Variants in VCPIP1 observed in about 807,000 individuals in gnomAD.
VCPIP1 encodes the protein deubiquitinating protein VCPIP1.
Under a neutral mutation model 85.0 loss-of-function variants are expected in VCPIP1, and 8 were observed. The ratio of observed to expected loss-of-function variants is 0.09; its 90% confidence interval spans 0.06 to 0.17. The LOEUF (loss-of-function observed/expected upper bound fraction) is 0.17, where lower values mean the gene tolerates loss of function less well. Ranked by LOEUF, VCPIP1 falls within the 10% of genes least tolerant of loss-of-function variation. The probability of loss-of-function intolerance (pLI) is 1.00; values close to 1 mark genes in which losing one functional copy is unlikely to be tolerated. For synonymous variants in VCPIP1, 543 were observed against 544.5 expected, an observed-to-expected ratio of 1.00 and a Z score of 0.04; for missense variants, 1,070 against 1,486.3, an observed-to-expected ratio of 0.72 and a Z score of 4.61.
chr8:66,641,054 A>G (rs1011814333), intron 2 of VCPIP1, among the ~76,000 whole-genome samples: 1 of 152,120 alleles, frequency 6.6e-6, no homozygotes, highest in Non-Finnish European at 1.5e-5. Flanking sequence ...ACCCCCCTAG[A>G]TGCTGCTGCA....
rs1253205793 is a variant in VCPIP1, at chr8:66,629,429, CTTTCA to C, written c.*5067_*5071del. The C allele has an allele frequency of 6.6e-6, 1 of 152,128 alleles. No homozygotes were observed. Among genetic ancestry groups the C allele is most frequent in the South Asian group, 2.1e-4 (1 of 4,828 alleles). 9.4% of individuals were successfully genotyped at this position (152,128 alleles called of 1,614,324 possible). ...TATTTAGTACTATTATCTGTATTTC[CTTTCA>C]TTTCCTTATCACTAACCAGTATTTT... On this transcript the variant is annotated 3_prime_UTR_variant, in exon 3 of 3. Coordinates refer to ENST00000310421, the MANE Select transcript of VCPIP1 (RefSeq NM_025054.5).
In VCPIP1 at chr8:66,666,246, A is replaced by G; in HGVS notation, c.713T>C (p.Leu238Ser). 6.2e-7 allele frequency: 1 copy of G among 1,614,076 alleles called. No individual in the cohort carries two copies. Among genetic ancestry groups the G allele is most frequent in the Non-Finnish European group, 8.5e-7 (1 of 1,180,002 alleles). Residue 238 changes from leucine (L) to serine (S), a missense_variant, in exon 1 of 3, where the codon TTA becomes TCA. By Grantham distance (145) the Leu-to-Ser change is moderately radical. Around this residue, in one of 8 missense-constraint regions of VCPIP1, gnomAD observed 118 missense variants for 337.1 expected, o/e 0.35. Coordinates refer to ENST00000310421, the MANE Select transcript of VCPIP1 (RefSeq NM_025054.5). The surrounding 1 kb of genome is among the most constrained non-coding windows in gnomAD (Gnocchi z 6.3). Reference sequence around the variant, plus strand: ...AAAGTGCTGTTTAAGATTCTCTCTTAAGGCATGCCAGAAGAGCTCTCGGCC... The same window carrying G: ...AAAGTGCTGTTTAAGATTCTCTCTTGAGGCATGCCAGAAGAGCTCTCGGCC... ...LVGRELFWHA[L>S]RENLKQHFQQ...
rs1810841189 is a variant in VCPIP1, at chr8:66,632,211, A to G, written c.*2290T>C. On this transcript the variant is annotated 3_prime_UTR_variant, in exon 3 of 3. Transcript: ENST00000310421. ...AAACCATATGGAAAGACAAAGGATG[A>G]TATTTAAAAACTTAAAAGAAACCCT... The G allele has an allele frequency of 6.6e-6, 1 of 152,132 alleles. No homozygotes were observed. The highest frequency in any genetic ancestry group is 1.5e-5 in the Non-Finnish European group (1 of 67,952). The allele number at this position is 152,132 out of a possible 1,614,324, so 9.4% of individuals were successfully genotyped here.
intron 2 of VCPIP1, among the ~76,000 whole-genome samples, chr8:66,639,265 A>G (rs1177303656): frequency 1.3e-5 from 2 of 150,048 alleles, no homozygotes; most frequent in South Asian, 2.1e-4. Flanking sequence ...GAATACAGGC[A>G]TGAGACACCA....
intron 1 of VCPIP1, among the ~76,000 whole-genome samples, chr8:66,661,748 A>G (rs1160020201): frequency 1.3e-5 from 2 of 150,628 alleles, no homozygotes; most frequent in East Asian, 2.0e-4. Flanking sequence ...AAATCTATAT[A>G]TAATCATACC....
intron 1 of VCPIP1, among the ~76,000 whole-genome samples, chr8:66,660,000 T>C (rs1471826729): frequency 2.0e-5 from 3 of 152,216 alleles, no homozygotes; most frequent in Admixed American, 6.5e-5. Context: ...AATGCTGTGT[T>C]GGTCCTATTT....
intron 2 of VCPIP1, among the ~76,000 whole-genome samples, chr8:66,644,624 T>C (rs1181001590): frequency 6.6e-6 from 1 of 152,136 alleles, no homozygotes; most frequent in African/African-American, 2.4e-5. Flanking sequence ...ATGTCTACTC[T>C]CACCTTTCCG....
chr8:66,634,767 C>T lies in VCPIP1; in HGVS notation c.3403G>A (p.Asp1135Asn), dbSNP rs963353695. 2 of 1,614,208 alleles carry T rather than the reference C, an allele frequency of 1.2e-6. No individual in the cohort carries two copies. Among genetic ancestry groups the T allele is most frequent in the Non-Finnish European group, 1.7e-6 (2 of 1,180,036 alleles). The change falls in exon 3 of 3, where the codon GAT (aspartate) becomes AAT (asparagine). Residue 1135 changes from aspartate (D) to asparagine (N), a missense_variant. Asp to Asn is a conservative substitution (Grantham distance 23). Transcript: ENST00000310421. ...ACTTCTGTTTTCCTTTGAGGAAGAT[C>T]AGATGGTGACTGCTCTGTACTTTGA... ...RDQSTEQSPS[D>N]LPQRKTEVVS...
Position 66,651,550 on chromosome 8 carries a change from A to G in VCPIP1, c.2711-6T>C. On this transcript the variant is annotated splice_region_variant and splice_polypyrimidine_tract_variant and intron_variant, in intron 1 of 2. Transcript: ENST00000310421. ...ATAAGACCATACATCTTCTCCTGTA[A>G]GACAAAAACAGATATAGTATTAGCA... 2 of 1,608,606 alleles carry G rather than the reference A, an allele frequency of 1.2e-6. No individual in the cohort carries two copies. Among genetic ancestry groups the G allele is most frequent in the South Asian group, 2.2e-5 (2 of 90,440 alleles).
rs1306457401 is a variant in VCPIP1 at position 66,630,545 on chromosome 8, A to G, written c.*3956T>C. The G allele has an allele frequency of 1.3e-5, 2 of 152,600 alleles. No homozygotes were observed. Among genetic ancestry groups the G allele is most frequent in the Non-Finnish European group, 2.9e-5 (2 of 68,034 alleles). 9.5% of individuals were successfully genotyped at this position (152,600 alleles called of 1,614,324 possible). On this transcript the variant is annotated 3_prime_UTR_variant, in exon 3 of 3. Coordinates refer to ENST00000310421, the MANE Select transcript of VCPIP1 (RefSeq NM_025054.5). ...TAAAAATTTAAAAACTAAGTAATTG[A>G]TACTCACAAGCAGGTAACATCAACT...
At chr8:66,657,725 C>T (rs148669217) in intron 1 of VCPIP1, among the ~76,000 whole-genome samples, 17 of 152,052 alleles carry the variant, frequency 1.1e-4, no homozygotes, top group Non-Finnish European at 2.2e-4. Flanking sequence ...TTAAGAACTA[C>T]CATATTTTAT....
chr8:66,652,021 A>C (rs1447362993), intron 1 of VCPIP1, among the ~76,000 whole-genome samples: 7 of 151,880 alleles, frequency 4.6e-5, no homozygotes, highest in Non-Finnish European at 1.0e-4. Context: ...AAAAAAAAAA[A>C]AAAAAAATAG....
chr8:66,659,725 G>T (rs1811137446), intron 1 of VCPIP1, among the ~76,000 whole-genome samples: 2 of 152,072 alleles, frequency 1.3e-5, no homozygotes, highest in South Asian at 4.1e-4. Context: ...GAGCTCAGGA[G>T]TTCGAGACCA....
intron 2 of VCPIP1, among the ~76,000 whole-genome samples, chr8:66,647,483 A>G (rs1326506082): frequency 6.6e-6 from 1 of 152,126 alleles, no homozygotes; most frequent in Non-Finnish European, 1.5e-5. Flanking sequence ...GATTTCAAGA[A>G]TAACTATAAG....
At chr8:66,654,842 T>C (rs1372583726) in intron 1 of VCPIP1, among the ~76,000 whole-genome samples, 5 of 152,340 alleles carry the variant, frequency 3.3e-5, no homozygotes, top group African/African-American at 7.2e-5. Context: ...GAGTTAAACC[T>C]ATAATGGTTC....
At chr8:66,656,516 G>C (rs892197409) in intron 1 of VCPIP1, among the ~76,000 whole-genome samples, 11 of 152,082 alleles carry the variant, frequency 7.2e-5, no homozygotes, top group African/African-American at 2.4e-4. Flanking sequence ...TATTTAAAAA[G>C]GCAATTTGAA....
At chr8:66,660,740 T>C (rs376377965) in intron 1 of VCPIP1, among the ~76,000 whole-genome samples, 20 of 152,196 alleles carry the variant, frequency 1.3e-4, no homozygotes, top group African/African-American at 4.3e-4. Context: ...AACATCTTTT[T>C]TTTTAAATTA....
At chr8:66,650,860 C>CA (rs770736039) in intron 2 of VCPIP1, among the ~76,000 whole-genome samples, 1,646 of 13,886 alleles carry the variant, frequency 0.12, 335 homozygotes, top group Non-Finnish European at 0.14. Context: ...GACTTCGTCT[C>CA]AAAAAAAAAA....
Position 66,634,721 on chromosome 8 carries a change from G to A in VCPIP1, c.3449C>T (p.Ser1150Phe). 6.2e-7 allele frequency: 1 copy of A among 1,614,214 alleles called. No individual in the cohort carries two copies. Among genetic ancestry groups the A allele is most frequent in the Non-Finnish European group, 8.5e-7 (1 of 1,180,046 alleles). Residue 1150 changes from serine to phenylalanine, a missense_variant, in exon 3 of 3, where the codon TCT (serine) becomes TTT (phenylalanine). Coordinates refer to ENST00000310421, the MANE Select transcript of VCPIP1 (RefSeq NM_025054.5). ...KTEVVSSSAK[S>F]GSLQTGLPES... ...AGGCAAACCAGTCTGAAGACTCCCAGACTTTGCAGAAGAACTCACAACTTC... is the reference window on the plus strand; with the variant it reads ...AGGCAAACCAGTCTGAAGACTCCCAAACTTTGCAGAAGAACTCACAACTTC...
Sources: allele counts gnomAD v4.1 joint callset (sites outside exome capture counted in the v4.1 genomes callset), GRCh38; gene constraint gnomAD v4.1.1; regional missense constraint gnomAD v4.1.1; non-coding constraint Gnocchi (gnomAD v3.1); transcripts MANE v1.5; gene names NCBI Gene and HGNC (gene_info 2026-07-23, HGNC 2026-07-21).